The following CHID1 variants were observed in gnomAD, a reference collection of about 807,000 sequenced individuals.
CHID1 encodes the protein chitinase domain-containing protein 1.
CHID1 carries 44 observed loss-of-function variants against 55.4 expected under a neutral mutation model. The ratio of observed to expected loss-of-function variants is 0.79; its 90% CI spans 0.62 to 1.02. CHID1 has a LOEUF of 1.02. Ranked by LOEUF, CHID1 falls within the 50% of genes least tolerant of loss-of-function variation. The pLI, the probability that CHID1 is intolerant of heterozygous loss-of-function variation, is 0.00. For missense variants in CHID1, 491 were observed against 515.3 expected (o/e 0.95, Z 0.46); for synonymous variants, 216 against 212.9 (o/e 1.01, Z -0.13).
Position 868,349 on chromosome 11 carries a change from A to G in CHID1, c.*1509T>C, listed in dbSNP as rs1848980057. The G allele has an allele frequency of 6.6e-6, 1 of 152,106 alleles. No homozygotes were observed. Among genetic ancestry groups the G allele is most frequent in the Non-Finnish European group, 1.5e-5 (1 of 68,012 alleles). The allele number at this position is 152,106 out of a possible 1,614,324, so 9.4% of individuals were successfully genotyped here. On this transcript the variant is annotated 3_prime_UTR_variant, in exon 13 of 13. Coordinates refer to ENST00000323578, the MANE Select transcript of CHID1 (RefSeq NM_023947.4). ...CTCAACCTCATCAAGCGATCCTCCC[A>G]TCTCAGCCTCCTGAGTAGCCAGGAG...
intron 7 of CHID1, among the ~76,000 whole-genome samples, chr11:895,479 A>G (rs546513719): frequency 6.6e-6 from 1 of 152,282 alleles, no homozygotes; most frequent in African/African-American, 2.4e-5. Context: ...GTGCTGCAGC[A>G]TTGCCCGGAG....
intron 1 of CHID1, among the ~76,000 whole-genome samples, chr11:907,932 C>G (rs183865745): frequency 2.6e-5 from 4 of 152,180 alleles, no homozygotes; most frequent in African/African-American, 9.7e-5. Flanking sequence ...CCTCTGAAAC[C>G]GTCCCCTTGA....
upstream of CHID1, among the ~76,000 whole-genome samples, chr11:912,152 T>C (rs1178699530): frequency 6.6e-6 from 1 of 152,096 alleles, no homozygotes; most frequent in African/African-American, 2.4e-5. Flanking sequence ...TGGAACCCTG[T>C]CTCTACTAAA....
chr11:893,480 C>T lies in CHID1; in HGVS notation c.648G>A (p.Leu216=), dbSNP rs1447629600. 6.4e-7 allele frequency: 1 copy of T among 1,551,690 alleles called. No individual in the cohort carries two copies. Among genetic ancestry groups the T allele is most frequent in the Non-Finnish European group, 8.7e-7 (1 of 1,147,130 alleles). The change falls in exon 8 of 13, where the codon CTG becomes CTA. Residue 216 remains leucine, a synonymous_variant. Coordinates refer to ENST00000323578, the MANE Select transcript of CHID1 (RefSeq NM_023947.4). ...GGAGGGCCAGCAGCCGGGCCTGGTG[C>T]AGAGCCTCGGCCAAGTGGGTGAGCA... ...IHMLTHLAEA[L]HQARLLALLV...
At chr11:887,436 G>A (rs1044031008) in intron 8 of CHID1, among the ~76,000 whole-genome samples, 2 of 152,160 alleles carry the variant, frequency 1.3e-5, no homozygotes, top group Admixed American at 1.3e-4. Context: ...CTGGCGAGAG[G>A]CTGGTCTTCT....
chr11:884,218 GC>G, intron 8 of CHID1, 49 bp from the exon 9 acceptor site: 1 of 1,479,268 alleles, frequency 6.8e-7, no homozygotes, highest in Non-Finnish European at 9.4e-7. Flanking sequence ...CCTGCCTGAA[GC>G]CCCTCCCCAG....
upstream of CHID1, among the ~76,000 whole-genome samples, chr11:913,765 T>G (rs1047817571): frequency 6.6e-5 from 8 of 121,936 alleles, no homozygotes; most frequent in Non-Finnish European, 1.4e-4. Flanking sequence ...AGAGTGAGAC[T>G]CTGTTAAAAA....
rs896257042 is a variant in CHID1 at position 905,460 on chromosome 11, A to G, written c.-43-601T>C. On this transcript the variant is annotated intron_variant, in intron 1 of 12. Coordinates refer to ENST00000323578, the MANE Select transcript of CHID1 (RefSeq NM_023947.4). ...TGAGGCGGGCGGATCACCTGAGGTC[A>G]GGAATTCATGACCAGCCTGACCAAC... Among the ~76,000 whole-genome samples, 3 of 152,240 alleles carry G rather than the reference A, an allele frequency of 2.0e-5. No homozygotes were observed. In the South Asian group the frequency reaches 6.2e-4, roughly 31 times the overall value.
At chr11:874,286 A>AC (rs1481268520) in intron 10 of CHID1, among the ~76,000 whole-genome samples, 4 of 152,034 alleles carry the variant, frequency 2.6e-5, no homozygotes, top group African/African-American at 9.7e-5. Context: ...ACGTGGTGAA[A>AC]CCCCATCTCT....
At chr11:885,994 A>C (rs1850363986) in intron 8 of CHID1, among the ~76,000 whole-genome samples, 1 of 151,876 alleles carries the variant, frequency 6.6e-6, no homozygotes, top group African/African-American at 2.4e-5. Context: ...TAAAAATACA[A>C]AAAAATTAGC....
At chr11:900,740 G>A (rs1589888557) in intron 5 of CHID1, among the ~76,000 whole-genome samples, 196 bp downstream of exon 5, 2 of 152,208 alleles carry the variant, frequency 1.3e-5, no homozygotes, top group South Asian at 4.1e-4. Flanking sequence ...TGTGTGGGGA[G>A]GAGAGCTCAG....
chr11:906,186 G>A (rs575434177), intron 1 of CHID1, among the ~76,000 whole-genome samples: 10 of 151,040 alleles, frequency 6.6e-5, no homozygotes, highest in Middle Eastern at 3.6e-3. Context: ...TGCCCACCTC[G>A]GCCCCCCCAA....
intron 1 of CHID1, among the ~76,000 whole-genome samples, chr11:909,188 C>T (rs1020972652): frequency 2.6e-5 from 4 of 152,216 alleles, no homozygotes; most frequent in African/African-American, 9.6e-5. Context: ...CCACTGCTCA[C>T]CGGCCGCTCG....
At chr11:900,884 AC>A in intron 5 of CHID1, 51 bp downstream of exon 5, 3 of 1,517,456 alleles carry the variant, frequency 2.0e-6, no homozygotes, top group Admixed American at 1.8e-5. Context: ...CCACCTGTCC[AC>A]CCCCGCAGTT....
intron 2 of CHID1, 91 bp from the exon 3 acceptor site, chr11:903,202 AGCAGCC>A (rs1851951958): frequency 7.5e-7 from 1 of 1,337,306 alleles, no homozygotes; most frequent in Non-Finnish European, 1.0e-6. Context: ...CCATTCAGCC[AGCAGCC>A]GAGTCTCTGG....
chr11:888,632 G>A (rs12416812), intron 8 of CHID1, among the ~76,000 whole-genome samples: 67,625 of 152,096 alleles, frequency 0.44, 15,755 homozygotes, highest in Admixed American at 0.52. Context: ...TCTGAGGAAC[G>A]AAAGCCCCGG....
chr11:876,322 C>A (rs1849512612), intron 10 of CHID1, among the ~76,000 whole-genome samples: 1 of 152,172 alleles, frequency 6.6e-6, no homozygotes, highest in Non-Finnish European at 1.5e-5. Context: ...GTGGATGACA[C>A]CTGTCCAGGG....
chr11:904,590 T>A (rs958413428), intron 2 of CHID1, 116 bp downstream of exon 2: 1 of 1,241,994 alleles, frequency 8.1e-7, no homozygotes, highest in South Asian at 1.4e-5. Context: ...GGTGCCTTTG[T>A]GAGGAGCCAA....
At chr11:902,087 TAC>T in intron 4 of CHID1, 109 bp downstream of exon 4, 2 of 1,285,762 alleles carry the variant, frequency 1.6e-6, no homozygotes, top group Non-Finnish European at 2.2e-6. Context: ...CACACTCCCA[TAC>T]AGAGACACCC....
Sources: allele counts gnomAD v4.1 joint callset (sites outside exome capture counted in the v4.1 genomes callset), GRCh38; gene constraint gnomAD v4.1.1; transcripts MANE v1.5; gene names NCBI Gene and HGNC (gene_info 2026-07-23, HGNC 2026-07-21).